The following AATK variants were observed in gnomAD, a reference collection of about 807,000 sequenced individuals.
AATK encodes lemur tail kinase 1.
Under a neutral mutation model 114.3 loss-of-function variants are expected in AATK, and 91 were observed. That is an observed-to-expected ratio of 0.80 (90% CI 0.67 to 0.95). AATK has a LOEUF of 0.95. Among genes scored for constraint, AATK ranks in the 40% least tolerant of loss-of-function variants. The probability of loss-of-function intolerance (pLI) is 0.00; values close to 1 mark genes in which losing one functional copy is unlikely to be tolerated. For missense variants in AATK, 2,176 were observed against 1,965.2 expected, an observed-to-expected ratio of 1.11 and a Z score of -2.03; for synonymous variants, 1,075 against 916.5, an observed-to-expected ratio of 1.17 and a Z score of -3.12.
Position 81,126,398 on chromosome 17 carries a change from C to CCCGG in AATK, c.755+25_755+28dup. ...AGGGGAGGGGCCTGGCCTAGGGCTT[C>CCCGG]CCGGCCGCTGGCCCGCGCCCGCCCT... On this transcript the variant is annotated intron_variant, in intron 7 of 13. Transcript: ENST00000326724. This position sits in a 1 kb window ranked among gnomAD's most constrained non-coding sequence, Gnocchi z 5.1. The CCCGG allele has an allele frequency of 1.3e-6, 2 of 1,543,360 alleles. No homozygotes were observed. Among genetic ancestry groups the CCCGG allele is most frequent in the Admixed American group, 1.9e-5 (1 of 51,860 alleles).
Position 81,119,994 on chromosome 17 carries a change from G to T in AATK, c.3825C>A (p.Ser1275Arg). ...TFLRGSPGSP[S>R]APNRPQQADG... The stretch of plus-strand genomic sequence containing the variant: ...CAGCCTGCTGCGGCCGGTTGGGGGC[G>T]CTGGGAGAGCCGGGGCTCCCCCTAA... Residue 1275 changes from serine (S) to arginine (R), a missense_variant, in exon 12 of 14, where the codon AGC becomes AGA. This residue lies in a region of AATK where 1,701 missense variants were observed against 1,394.7 expected (regional missense o/e 1.22). Transcript: ENST00000326724. 6.9e-6 allele frequency: 10 copies of T among 1,446,154 alleles called. No homozygotes were observed. The highest frequency in any genetic ancestry group is 9.1e-6 in the Non-Finnish European group (10 of 1,099,094). 89.6% of individuals were successfully genotyped at this position (1,446,154 alleles called of 1,614,324 possible). A position where few individuals can be genotyped will look rare whatever the true frequency, so the allele number is the denominator to read the frequency against.
chr17:81,163,131 C>G (rs900603139), intron 1 of AATK, among the ~76,000 whole-genome samples: 3 of 152,204 alleles, frequency 2.0e-5, no homozygotes, highest in Admixed American at 1.3e-4. Context: ...GAGCATTTGA[C>G]CCCCACCCTC....
Position 81,118,345 on chromosome 17 carries a change from G to A in AATK, c.*57C>T, listed in dbSNP as rs2060594324. 5 of 1,540,810 alleles carry A rather than the reference G, an allele frequency of 3.2e-6. No homozygotes were observed. In the East Asian group the frequency reaches 7.3e-5, roughly 22 times the overall value. On this transcript the variant is annotated 3_prime_UTR_variant, in exon 14 of 14. Coordinates refer to ENST00000326724, the MANE Select transcript of AATK (RefSeq NM_001080395.3). ...CACCTTCTCGGTCACCATCCTCGCTGCTGCCTGGCAGGGGCTCCGGTGACG... is the reference window on the plus strand; with the variant it reads ...CACCTTCTCGGTCACCATCCTCGCTACTGCCTGGCAGGGGCTCCGGTGACG...
chr17:81,138,532 A>C (rs887477647), intron 1 of AATK, among the ~76,000 whole-genome samples: 1 of 148,030 alleles, frequency 6.8e-6, no homozygotes, highest in Non-Finnish European at 1.5e-5. Flanking sequence ...ACACGTGCAC[A>C]TACACGTTCG....
intron 9 of AATK, among the ~76,000 whole-genome samples, chr17:81,124,352 T>C (rs9901521): frequency 0.087 from 13,170 of 152,222 alleles, 723 homozygotes; most frequent in African/African-American, 0.15. Flanking sequence ...AGCACCACCG[T>C]CAGCCCCTCT....
At position 81,121,139 on chromosome 17, in the gene AATK, G is replaced by T; in HGVS notation, c.2797C>A (p.Arg933=). 6.2e-7 allele frequency: 1 copy of T among 1,604,952 alleles called. No individual in the cohort carries two copies. The part of the protein sequence containing the change: ...SATGPSGGQP[R]ALDSGYDTEN... ...GTGTCATAGCCACTGTCCAGCGCTC[G>T]CGGCTGCCCTCCAGAGGGGCCAGTG... Residue 933 remains arginine, a synonymous_variant, in exon 11 of 14, where the codon CGA becomes AGA. Coordinates refer to ENST00000326724, the MANE Select transcript of AATK (RefSeq NM_001080395.3).
At position 81,123,197 on chromosome 17, in the gene AATK, C is replaced by A. The variant is rs1285999398; in HGVS notation, c.1109G>T (p.Arg370Leu). ...KPQLQLTLSD[R>L]WYEVMQFCWL... ...GACAGGGCAGTGGGGCCCTCACCAGCGGTCCGACAGGGTCAGCTGCAGCTG... is the reference window on the plus strand; with the variant it reads ...GACAGGGCAGTGGGGCCCTCACCAGAGGTCCGACAGGGTCAGCTGCAGCTG... The change falls in exon 10 of 14, where the codon CGC becomes CTC. Residue 370 changes from arginine to leucine, a missense_variant. Transcript: ENST00000326724. The A allele has an allele frequency of 7.0e-7, 1 of 1,421,872 alleles. No individual in the cohort carries two copies. The highest frequency in any genetic ancestry group is 1.5e-5 in the South Asian group (1 of 67,086). The allele number at this position is 1,421,872 out of a possible 1,614,324, so 88.1% of individuals were successfully genotyped here.
At position 81,138,912 on chromosome 17, in the gene AATK, TAGAC is replaced by T. The variant is rs777879606; in HGVS notation, c.56-4415_56-4412del. On this transcript the variant is annotated intron_variant, in intron 1 of 13. Transcript: ENST00000326724. The stretch of plus-strand genomic sequence containing the variant: ...GCACACACATATAACCACACATGCG[TAGAC>T]AGATACCACACGTGTAGGCACACAC... Among the ~76,000 whole-genome samples the T allele has an allele frequency of 2.0e-4, 29 of 148,188 alleles. 1 individual carries two copies. Among genetic ancestry groups the T allele is most frequent in the African/African-American group, 4.8e-4 (19 of 39,726 alleles).
chr17:81,155,137 C>CA (rs1355110232), intron 1 of AATK, among the ~76,000 whole-genome samples: 1 of 152,134 alleles, frequency 6.6e-6, no homozygotes, highest in Non-Finnish European at 1.5e-5. Flanking sequence ...TGAACTTCCT[C>CA]AAAAAATGAA....
chr17:81,144,066 A>AC (rs1391094159), intron 1 of AATK, among the ~76,000 whole-genome samples: 1 of 151,200 alleles, frequency 6.6e-6, no homozygotes, highest in Non-Finnish European at 1.5e-5. Context: ...CTCTGCCCCC[A>AC]CCCCTGTCCC....
At chr17:81,140,861 G>A (rs1464728157) in intron 1 of AATK, among the ~76,000 whole-genome samples, 3 of 143,808 alleles carry the variant, frequency 2.1e-5, no homozygotes, top group African/African-American at 8.4e-5. Context: ...GGGGCTGTGG[G>A]GCCGTGAGCC....
chr17:81,131,791 C>G, intron 2 of AATK: 1 of 1,255,536 alleles, frequency 8.0e-7, no homozygotes, highest in Non-Finnish European at 1.0e-6. Flanking sequence ...CCCTGCCCCA[C>G]AGTCCTGTGG....
chr17:81,131,178 A>G lies in AATK; in HGVS notation c.217T>C (p.Tyr73His), dbSNP rs1336185903. The part of the protein sequence containing the change: ...KEFENAEGDE[Y>H]AADLAQGSPA... ...GAGCCCTGCGCCAGGTCGGCTGCGT[A>G]CTCGTCCCCCTCCGCATTCTCAAAC... The change falls in exon 3 of 14, where the codon TAC (tyrosine) becomes CAC (histidine). Residue 73 changes from tyrosine (Y) to histidine (H), a missense_variant. Tyr to His is a moderately conservative substitution (Grantham distance 83). Around this residue, in one of 4 missense-constraint regions of AATK, gnomAD observed 178 missense variants for 175.4 expected, o/e 1.01. Transcript: ENST00000326724. 11 of 1,581,106 alleles carry G rather than the reference A, an allele frequency of 7.0e-6. No individual in the cohort carries two copies. The highest frequency in any genetic ancestry group is 8.6e-6 in the Non-Finnish European group (10 of 1,165,728).
chr17:81,132,889 G>A (rs758188445), intron 2 of AATK: 61 of 247,106 alleles, frequency 2.5e-4, no homozygotes, highest in Non-Finnish European at 4.2e-4. Flanking sequence ...GAGGGCGCAG[G>A]AGGAGGAGCT....
chr17:81,156,771 T>C (rs1262215453), intron 1 of AATK, among the ~76,000 whole-genome samples: 1 of 152,246 alleles, frequency 6.6e-6, no homozygotes. Context: ...CTTTTGGGAT[T>C]TCCACACTCA....
intron 8 of AATK, 25 bp downstream of exon 8, chr17:81,124,905 G>GGGGCCCCC: frequency 1.3e-6 from 2 of 1,503,220 alleles, no homozygotes; most frequent in Non-Finnish European, 1.8e-6. Flanking sequence ...CTCATGCCCA[G>GGGGCCCCC]CCCAGCCCAC....
At chr17:81,165,558 G>A (rs1385616818) in intron 1 of AATK, 1 of 1,101,848 alleles carries the variant, frequency 9.1e-7, no homozygotes, top group African/African-American at 1.6e-5. Context: ...CCCGGACCCA[G>A]GAGAGGCCAT....
intron 1 of AATK, among the ~76,000 whole-genome samples, chr17:81,157,311 G>A (rs1025397326): frequency 1.3e-5 from 2 of 152,222 alleles, no homozygotes; most frequent in Admixed American, 6.5e-5. Context: ...ATCCGACACC[G>A]CGGGCACCGC....
In AATK at chr17:81,134,505, C is replaced by A; in HGVS notation, c.56-4G>T. ...AGCTCGCTGAGCGGGGCGCCGTCTG[C>A]GGGAGAGCAGTGTGGTGAGAGTGGC... On this transcript the variant is annotated splice_polypyrimidine_tract_variant and splice_region_variant and intron_variant, in intron 1 of 13. Transcript: ENST00000326724. 1 of 1,610,122 alleles carries A rather than the reference C, an allele frequency of 6.2e-7. No individual in the cohort carries two copies. Among genetic ancestry groups the A allele is most frequent in the Non-Finnish European group, 8.5e-7 (1 of 1,178,712 alleles).
Sources: gnomAD v4.1 joint callset for allele counts (sites outside exome capture counted in the v4.1 genomes callset) on GRCh38, gnomAD v4.1.1 for gene constraint, gnomAD v4.1.1 regional missense constraint, Gnocchi (gnomAD v3.1) non-coding constraint, MANE v1.5 for transcripts, NCBI Gene and HGNC (gene_info 2026-07-23, HGNC 2026-07-21) for gene names.